HYDIN: variants seen among roughly 807,000 people sequenced by gnomAD.
The protein encoded by HYDIN is axonemal central pair apparatus protein HYDIN.
In HYDIN, 132 loss-of-function variants were observed where a neutral mutation model predicts 403.9. The ratio of observed to expected loss-of-function variants is 0.33; its 90% CI spans 0.28 to 0.38. The LOEUF is 0.38. Among genes scored for constraint, HYDIN ranks in the 10% least tolerant of loss-of-function variants. The pLI, the probability that HYDIN is intolerant of heterozygous loss-of-function variation, is 1.00. For synonymous variants in HYDIN, 1,202 were observed against 1,891.7 expected (o/e 0.64, Z 9.46); for missense variants, 2,827 against 5,009.5 (o/e 0.56, Z 13.15).
chr16:71,003,805 A>C (rs1248266960), intron 23 of HYDIN, among the ~76,000 whole-genome samples: 1 of 152,106 alleles, frequency 6.6e-6, no homozygotes, highest in Non-Finnish European at 1.5e-5. Context: ...TCTCAAAAAA[A>C]AAAAAAATGC....
At chr16:71,221,763 G>A (rs901448291) in intron 1 of HYDIN, among the ~76,000 whole-genome samples, 1 of 152,184 alleles carries the variant, frequency 6.6e-6, no homozygotes, top group Admixed American at 6.5e-5. Flanking sequence ...AGACATTAGA[G>A]AGGTATAGAA....
intron 8 of HYDIN, among the ~76,000 whole-genome samples, chr16:71,130,321 T>C (rs1471743631): frequency 1.3e-5 from 2 of 152,206 alleles, no homozygotes; most frequent in Non-Finnish European, 2.9e-5. Flanking sequence ...CTCTGTGACT[T>C]TGGCAGTTCC....
At chr16:71,030,975 T>C (rs1240136175) in intron 19 of HYDIN, among the ~76,000 whole-genome samples, 2 of 151,430 alleles carry the variant, frequency 1.3e-5, no homozygotes, top group Non-Finnish European at 2.9e-5. Flanking sequence ...CCGAGGCAGG[T>C]GGATCATGAG....
chr16:71,004,836 T>G (rs1318163112), intron 23 of HYDIN, among the ~76,000 whole-genome samples: 1 of 151,936 alleles, frequency 6.6e-6, no homozygotes, highest in Admixed American at 6.5e-5. Flanking sequence ...CTCTTCTGTA[T>G]CTATCAGGAC....
intron 41 of HYDIN, among the ~76,000 whole-genome samples, chr16:70,951,430 C>A (rs531995518): frequency 7.9e-5 from 12 of 152,314 alleles, no homozygotes; most frequent in Admixed American, 2.0e-4. Flanking sequence ...CCACTCCCCT[C>A]GAGCATGCTC....
intron 1 of HYDIN, among the ~76,000 whole-genome samples, chr16:71,189,305 C>T (rs757106): frequency 0.36 from 54,738 of 151,968 alleles, 10,305 homozygotes; most frequent in East Asian, 0.58. Flanking sequence ...CCTCACTATA[C>T]AGTGTTGATT....
At chr16:71,023,723 G>C (rs376996885) in intron 21 of HYDIN, among the ~76,000 whole-genome samples, 2 of 140,736 alleles carry the variant, frequency 1.4e-5, no homozygotes, top group African/African-American at 5.4e-5. Context: ...AATTGAACTT[G>C]TACCTCTCAC....
chr16:71,215,839 C>A (rs867492302), intron 1 of HYDIN, among the ~76,000 whole-genome samples: 87 of 150,386 alleles, frequency 5.8e-4, no homozygotes, highest in Non-Finnish European at 2.5e-4. Context: ...GCTGTTTACA[C>A]TAGAGAATAT....
At chr16:71,084,633 C>G (rs2082881049) in intron 12 of HYDIN, among the ~76,000 whole-genome samples, 1 of 146,868 alleles carries the variant, frequency 6.8e-6, no homozygotes, top group African/African-American at 2.6e-5. Flanking sequence ...AGGTAATCTG[C>G]CTGCCTCAGC....
At chr16:70,839,154 TG>T (rs1304388124) in intron 76 of HYDIN, among the ~76,000 whole-genome samples, 2 of 104,456 alleles carry the variant, frequency 1.9e-5, no homozygotes, top group Non-Finnish European at 3.4e-5. Flanking sequence ...TAACAATAAC[TG>T]GGCATTTCTT....
At chr16:70,956,258 C>A (rs1161201508) in intron 39 of HYDIN, among the ~76,000 whole-genome samples, 180 of 133,156 alleles carry the variant, frequency 1.4e-3, no homozygotes, top group Non-Finnish European at 1.6e-3. Flanking sequence ...ACTTTCATTA[C>A]AAAAAAAAAA....
intron 45 of HYDIN, among the ~76,000 whole-genome samples, chr16:70,932,009 CAAAAAAA>C (rs57391181): frequency 5.5e-4 from 16 of 29,074 alleles, no homozygotes; most frequent in Non-Finnish European, 7.6e-4. Flanking sequence ...AGACTTGTAT[CAAAAAAA>C]AAAAAAAAAA....
At chr16:71,019,891 G>T (rs537886700) in intron 22 of HYDIN, among the ~76,000 whole-genome samples, 1 of 152,402 alleles carries the variant, frequency 6.6e-6, no homozygotes, top group Admixed American at 6.5e-5. Flanking sequence ...GTATACAAGG[G>T]ATATTAATTC....
intron 6 of HYDIN, among the ~76,000 whole-genome samples, chr16:71,157,378 T>C (rs2085814672): frequency 6.6e-6 from 1 of 152,190 alleles, no homozygotes; most frequent in Non-Finnish European, 1.5e-5. Context: ...TCAGACTATA[T>C]CCACTGCTCT....
chr16:71,087,316 G>C (rs911162821), intron 12 of HYDIN, among the ~76,000 whole-genome samples: 2 of 151,858 alleles, frequency 1.3e-5, no homozygotes, highest in Non-Finnish European at 2.9e-5. Context: ...TGATTGCAGG[G>C]TTATTTTTTT....
intron 1 of HYDIN, among the ~76,000 whole-genome samples, chr16:71,192,776 T>C (rs780148110): frequency 6.6e-6 from 1 of 152,210 alleles, no homozygotes; most frequent in African/African-American, 2.4e-5. Flanking sequence ...AGGAACTTTG[T>C]CTTTTTAATC....
At chr16:71,150,779 G>T (rs1360547359) in intron 7 of HYDIN, among the ~76,000 whole-genome samples, 6 of 152,162 alleles carry the variant, frequency 3.9e-5, no homozygotes, top group Non-Finnish European at 4.4e-5. Context: ...GCAAGCTACA[G>T]ACTTGGAGAA....
At chr16:71,113,611 T>G (rs1175479624) in intron 10 of HYDIN, 1 of 149,290 alleles carries the variant, frequency 6.7e-6, no homozygotes, top group African/African-American at 2.6e-5. Context: ...TTTTTTTTTT[T>G]GAGACAGGGT....
intron 1 of HYDIN, among the ~76,000 whole-genome samples, chr16:71,210,409 C>T (rs759846927): frequency 2.0e-5 from 3 of 152,048 alleles, no homozygotes; most frequent in Admixed American, 6.6e-5. Flanking sequence ...AACACAGGAA[C>T]AGAAAACCAG....
Sources: gnomAD v4.1 joint callset for allele counts (sites outside exome capture counted in the v4.1 genomes callset) on GRCh38, gnomAD v4.1.1 for gene constraint, MANE v1.5 for transcripts, NCBI Gene and HGNC (gene_info 2026-07-23, HGNC 2026-07-21) for gene names.